The following PPFIA2 variants were observed in gnomAD, a reference collection of about 807,000 sequenced individuals.
The protein encoded by PPFIA2 is PPFI scaffold protein A2.
In PPFIA2, 46 loss-of-function variants were observed where a neutral mutation model predicts 175.5. The ratio of observed to expected loss-of-function variants is 0.26; its 90% CI spans 0.21 to 0.34. PPFIA2 has a LOEUF of 0.34. PPFIA2 is among the 10% of genes least tolerant of loss of function. The pLI is 1.00. For missense variants in PPFIA2, 1,179 were observed against 1,506.1 expected (o/e 0.78, Z 3.60); for synonymous variants, 568 against 511.4 (o/e 1.11, Z -1.49).
At chr12:81,327,263 T>C (rs1386825713) in intron 21 of PPFIA2, among the ~76,000 whole-genome samples, 1 of 152,060 alleles carries the variant, frequency 6.6e-6, no homozygotes, top group East Asian at 1.9e-4. Flanking sequence ...CAAAATTTGT[T>C]TTAGTTATTA....
chr12:81,259,790 A>G, intron 32 of PPFIA2, 130 bp from the exon 33 acceptor site: 1 of 694,842 alleles, frequency 1.4e-6, no homozygotes, highest in Non-Finnish European at 2.3e-6. Flanking sequence ...GAAGGAAATC[A>G]TCTAGGATGT....
At chr12:81,400,203 T>C (rs771237231) in intron 8 of PPFIA2, among the ~76,000 whole-genome samples, 9 of 152,154 alleles carry the variant, frequency 5.9e-5, no homozygotes, top group Non-Finnish European at 1.2e-4. Context: ...CACACTATGA[T>C]ATCTCAATAT....
intron 14 of PPFIA2, among the ~76,000 whole-genome samples, chr12:81,363,527 G>C (rs1389991862): frequency 4.0e-5 from 6 of 151,540 alleles, no homozygotes; most frequent in Non-Finnish European, 8.9e-5. Context: ...GATTATAACT[G>C]TTATATTGTT....
intron 8 of PPFIA2, among the ~76,000 whole-genome samples, chr12:81,405,536 A>C (rs1360447084): frequency 6.6e-6 from 1 of 151,904 alleles, no homozygotes; most frequent in African/African-American, 2.4e-5. Context: ...ACTTTTAAGA[A>C]AATCAATTAA....
chr12:81,677,776 T>G (rs1282892671), intron 3 of PPFIA2, among the ~76,000 whole-genome samples: 3 of 151,922 alleles, frequency 2.0e-5, no homozygotes, highest in African/African-American at 7.2e-5. Flanking sequence ...GCTTGAGTAA[T>G]GACTATAGTT....
intron 3 of PPFIA2, among the ~76,000 whole-genome samples, chr12:81,708,339 A>T (rs577998085): frequency 6.6e-6 from 1 of 152,300 alleles, no homozygotes; most frequent in East Asian, 1.9e-4. Flanking sequence ...TCAGATGTTC[A>T]GCATCTATTT....
intron 4 of PPFIA2, among the ~76,000 whole-genome samples, chr12:81,484,149 G>T (rs1452891628): frequency 6.6e-6 from 1 of 151,716 alleles, no homozygotes; most frequent in Non-Finnish European, 1.5e-5. Flanking sequence ...TCATTTTTCT[G>T]CCCTATGAAA....
chr12:81,748,110 G>C (rs1018718757), intron 3 of PPFIA2, among the ~76,000 whole-genome samples: 1 of 144,146 alleles, frequency 6.9e-6, no homozygotes, highest in African/African-American at 2.4e-5. Context: ...TCTGACTCAA[G>C]TCCAAAGCCT....
chr12:81,504,077 A>C (rs1024011114), intron 4 of PPFIA2, among the ~76,000 whole-genome samples: 2 of 152,042 alleles, frequency 1.3e-5, no homozygotes, highest in African/African-American at 2.4e-5. Context: ...CTAATGAGAA[A>C]TAATTAAATT....
At chr12:81,575,693 A>G (rs1049033132) in intron 4 of PPFIA2, among the ~76,000 whole-genome samples, 2 of 151,866 alleles carry the variant, frequency 1.3e-5, no homozygotes, top group African/African-American at 4.8e-5. Context: ...CCTATAAAAC[A>G]GAGGAACATG....
chr12:81,714,197 T>C (rs1437326169), intron 3 of PPFIA2, among the ~76,000 whole-genome samples: 2 of 151,134 alleles, frequency 1.3e-5, no homozygotes, highest in Non-Finnish European at 2.9e-5. Context: ...CTTATATACA[T>C]ATAATAAGTA....
intron 4 of PPFIA2, among the ~76,000 whole-genome samples, chr12:81,674,627 C>T (rs1048927172): frequency 6.6e-6 from 1 of 152,116 alleles, no homozygotes; most frequent in African/African-American, 2.4e-5. Flanking sequence ...CAGGCTACTG[C>T]ACTCCCATCT....
intron 8 of PPFIA2, 97 bp from the exon 9 acceptor site, chr12:81,384,341 A>G (rs1336280245): frequency 1.4e-5 from 13 of 897,606 alleles, no homozygotes; most frequent in Non-Finnish European, 2.1e-5. Context: ...CTGCTTTCAC[A>G]GTGAGAAATA....
At chr12:81,302,311 A>T in intron 22 of PPFIA2, 1 of 256,904 alleles carries the variant, frequency 3.9e-6, no homozygotes, top group South Asian at 3.9e-5. Flanking sequence ...CAAGAGTCTG[A>T]TCTATTTGGG....
intron 4 of PPFIA2, among the ~76,000 whole-genome samples, chr12:81,626,763 G>A (rs553579804): frequency 7.9e-5 from 12 of 152,106 alleles, no homozygotes; most frequent in Admixed American, 6.6e-4. Flanking sequence ...TATTATTTTG[G>A]GGATTGTTGG....
At chr12:81,525,430 C>T (rs1290032355) in intron 4 of PPFIA2, among the ~76,000 whole-genome samples, 1 of 152,084 alleles carries the variant, frequency 6.6e-6, no homozygotes, top group African/African-American at 2.4e-5. Flanking sequence ...ATATGAAGCA[C>T]CCTGCAGGTA....
At chr12:81,391,441 T>C (rs2040101853) in intron 8 of PPFIA2, among the ~76,000 whole-genome samples, 1 of 151,906 alleles carries the variant, frequency 6.6e-6, no homozygotes, top group Non-Finnish European at 1.5e-5. Flanking sequence ...TGTTTTTCCA[T>C]ACTGAATAGA....
intron 27 of PPFIA2, among the ~76,000 whole-genome samples, chr12:81,277,716 G>A (rs1327677041): frequency 6.6e-6 from 1 of 152,046 alleles, no homozygotes; most frequent in African/African-American, 2.4e-5. Context: ...CCTACATTAG[G>A]TGCAGGCAAA....
intron 4 of PPFIA2, among the ~76,000 whole-genome samples, chr12:81,533,715 C>CTATT (rs59357431): frequency 0.023 from 3,078 of 136,008 alleles, 115 homozygotes; most frequent in African/African-American, 0.083. Flanking sequence ...ATCTATCTAT[C>CTATT]TATCTATCTA....
Sources: allele counts gnomAD v4.1 joint callset (sites outside exome capture counted in the v4.1 genomes callset), GRCh38; gene constraint gnomAD v4.1.1; transcripts MANE v1.5; gene names NCBI Gene and HGNC (gene_info 2026-07-23, HGNC 2026-07-21).